ANTXR1: variants seen among roughly 807,000 people sequenced by gnomAD.
ANTXR1 encodes the protein anthrax toxin receptor 1.
In ANTXR1, 19 loss-of-function variants were observed where a neutral mutation model predicts 78.1. The ratio of observed to expected loss-of-function variants is 0.24; its 90% CI spans 0.17 to 0.36. ANTXR1 has a LOEUF of 0.36. Among genes scored for constraint, ANTXR1 ranks in the 10% least tolerant of loss-of-function variants. The pLI, the probability that ANTXR1 is intolerant of heterozygous loss-of-function variation, is 1.00. For missense variants in ANTXR1, 518 were observed against 718.6 expected (o/e 0.72, Z 3.19); for synonymous variants, 273 against 260.5 (o/e 1.05, Z -0.46).
intron 12 of ANTXR1, among the ~76,000 whole-genome samples, chr2:69,130,090 G>A (rs75766728): frequency 6.6e-6 from 1 of 152,262 alleles, no homozygotes; most frequent in East Asian, 1.9e-4. Context: ...CATTTCTCAA[G>A]TTGGCAACTA....
At chr2:69,137,284 T>G (rs1045959440) in intron 12 of ANTXR1, among the ~76,000 whole-genome samples, 3 of 152,206 alleles carry the variant, frequency 2.0e-5, no homozygotes, top group Non-Finnish European at 4.4e-5. Flanking sequence ...GCACTTCTAA[T>G]TTGACAGTCT....
At chr2:69,133,517 G>A (rs1172961492) in intron 12 of ANTXR1, among the ~76,000 whole-genome samples, 1 of 152,214 alleles carries the variant, frequency 6.6e-6, no homozygotes, top group Non-Finnish European at 1.5e-5. Context: ...TGGGCAACGG[G>A]AAGCCATTTG....
intron 17 of ANTXR1, among the ~76,000 whole-genome samples, chr2:69,200,813 A>T (rs1214565267): frequency 6.6e-6 from 1 of 152,192 alleles, no homozygotes; most frequent in Admixed American, 6.5e-5. Flanking sequence ...TGAACTGCAA[A>T]TGTTTACAGA....
intron 13 of ANTXR1, 60 bp from the exon 14 acceptor site, chr2:69,170,188 C>T (rs1673941806): frequency 1.3e-6 from 2 of 1,589,638 alleles, no homozygotes; most frequent in Admixed American, 1.7e-5. Flanking sequence ...TGACAGCAAG[C>T]CTCTTAGGAG....
intron 16 of ANTXR1, 29 bp downstream of exon 16, chr2:69,182,689 A>G: frequency 6.2e-7 from 1 of 1,613,980 alleles, no homozygotes. Context: ...AAAATCTATC[A>G]TCAGTCCTGA....
At chr2:69,024,096 G>A (rs1006315122) in intron 1 of ANTXR1, among the ~76,000 whole-genome samples, 1 of 152,118 alleles carries the variant, frequency 6.6e-6, no homozygotes, top group Non-Finnish European at 1.5e-5. Flanking sequence ...TAATAAATGA[G>A]ACTGGGGGCT....
chr2:69,200,151 G>C (rs1674739877), intron 17 of ANTXR1, among the ~76,000 whole-genome samples: 1 of 152,162 alleles, frequency 6.6e-6, no homozygotes, highest in African/African-American at 2.4e-5. Context: ...GATGTCATCT[G>C]TTTTCAGATC....
intron 16 of ANTXR1, among the ~76,000 whole-genome samples, chr2:69,183,301 G>C (rs6757464): frequency 0.61 from 92,429 of 152,010 alleles, 30,443 homozygotes; most frequent in East Asian, 0.86. Flanking sequence ...TCCACCATCT[G>C]TCTTTCCCCC....
rs373842142 is a variant in ANTXR1, at chr2:69,184,048, T to C, written c.1353+1388T>C. On this transcript the variant is annotated intron_variant, in intron 16 of 17. Coordinates refer to ENST00000303714, the MANE Select transcript of ANTXR1 (RefSeq NM_032208.3). ...TAGAGCCAGCTCCCATCACCATCCA[T>C]ACACATACACACACTCACACACACA... 1.9e-4 allele frequency among the ~76,000 whole-genome samples: 21 copies of C among 111,916 alleles called. 1 individual carries two copies. The highest frequency in any genetic ancestry group is 1.0e-3 in the African/African-American group (20 of 19,520). 73.4% of individuals were successfully genotyped at this position (111,916 alleles called of 152,430 possible). A position where few individuals can be genotyped will look rare whatever the true frequency, so the allele number is the denominator to read the frequency against.
intron 12 of ANTXR1, among the ~76,000 whole-genome samples, chr2:69,134,572 C>T (rs939672805): frequency 6.6e-6 from 1 of 152,128 alleles, no homozygotes; most frequent in African/African-American, 2.4e-5. Context: ...TTTCAGACTC[C>T]TTATGCTGCT....
intron 17 of ANTXR1, among the ~76,000 whole-genome samples, chr2:69,206,142 G>T (rs1282608202): frequency 6.6e-6 from 1 of 152,124 alleles, no homozygotes; most frequent in Non-Finnish European, 1.5e-5. Flanking sequence ...GTCCATTTCT[G>T]TGTTTGCCCC....
chr2:69,028,418 T>C (rs60170685), intron 1 of ANTXR1, among the ~76,000 whole-genome samples: 16,648 of 152,174 alleles, frequency 0.11, 1,599 homozygotes, highest in East Asian at 0.45. Flanking sequence ...TCTTTTATGA[T>C]GGATAAAATT....
chr2:69,082,527 C>T (rs1221023798), intron 8 of ANTXR1, among the ~76,000 whole-genome samples: 2 of 152,068 alleles, frequency 1.3e-5, no homozygotes, highest in African/African-American at 2.4e-5. Context: ...AGCCCTCGAG[C>T]AAAAGTATGA....
At chr2:69,098,772 G>T (rs1306964453) in intron 9 of ANTXR1, among the ~76,000 whole-genome samples, 1 of 152,144 alleles carries the variant, frequency 6.6e-6, no homozygotes, top group Non-Finnish European at 1.5e-5. Context: ...GATCACTTGA[G>T]GTCAGGAGTT....
At chr2:69,103,846 A>G (rs920177336) in intron 10 of ANTXR1, 2 of 153,534 alleles carry the variant, frequency 1.3e-5, no homozygotes, top group African/African-American at 4.8e-5. Context: ...TTTTTGCTAC[A>G]ACAGCCCTGA....
At chr2:69,014,082 T>A (rs1487606395) in intron 1 of ANTXR1, among the ~76,000 whole-genome samples, 2 of 152,156 alleles carry the variant, frequency 1.3e-5, no homozygotes, top group East Asian at 3.9e-4. Flanking sequence ...TTTGTTTTTG[T>A]TTTTGTTTTT....
chr2:69,164,001 T>G (rs1673755559), intron 13 of ANTXR1, among the ~76,000 whole-genome samples: 1 of 152,242 alleles, frequency 6.6e-6, no homozygotes, highest in Non-Finnish European at 1.5e-5. Context: ...TAATGCCCTG[T>G]TTAACTACCA....
intron 10 of ANTXR1, among the ~76,000 whole-genome samples, chr2:69,119,461 T>C (rs543010811): frequency 6.6e-6 from 1 of 152,192 alleles, no homozygotes; most frequent in Non-Finnish European, 1.5e-5. Flanking sequence ...GAAATAAATA[T>C]AGGTTCGAGT....
intron 3 of ANTXR1, among the ~76,000 whole-genome samples, chr2:69,063,464 G>A (rs1190965933): frequency 6.6e-6 from 1 of 151,548 alleles, no homozygotes; most frequent in East Asian, 1.9e-4. Flanking sequence ...TTCAGAAGGG[G>A]GAAAATGCCT....
Sources: allele counts gnomAD v4.1 joint callset (sites outside exome capture counted in the v4.1 genomes callset), GRCh38; gene constraint gnomAD v4.1.1; transcripts MANE v1.5; gene names NCBI Gene and HGNC (gene_info 2026-07-23, HGNC 2026-07-21).